The following ERICH1 variants were observed in gnomAD, a reference collection of about 807,000 sequenced individuals.
ERICH1 encodes the protein glutamate-rich protein 1.
In ERICH1, 56 loss-of-function variants were observed where a neutral mutation model predicts 39.6. The ratio of observed to expected loss-of-function variants is 1.41; its 90% confidence interval spans 1.14 to 1.77. ERICH1 has a LOEUF of 1.77. Among genes scored for constraint, ERICH1 ranks in the 40% most tolerant of loss-of-function variants. The pLI is 0.00. For synonymous variants in ERICH1, 313 were observed against 223.6 expected (o/e 1.40, Z -3.57); for missense variants, 826 against 575.4 (o/e 1.44, Z -4.45).
intron 1 of ERICH1, among the ~76,000 whole-genome samples, chr8:721,413 G>A (rs1205376595): frequency 1.3e-5 from 2 of 152,238 alleles, no homozygotes; most frequent in African/African-American, 2.4e-5. Flanking sequence ...AGAGCATGGA[G>A]GTTGGGGCTG....
At chr8:706,601 C>A (rs1191792692) in intron 2 of ERICH1, among the ~76,000 whole-genome samples, 1 of 152,016 alleles carries the variant, frequency 6.6e-6, no homozygotes, top group African/African-American at 2.4e-5. Flanking sequence ...TGGAGAAACC[C>A]CATCTCTACT....
rs200099840 is a variant in ERICH1, at chr8:716,022, G to A, written c.23-15C>T. 20 of 1,575,590 alleles carry A rather than the reference G, an allele frequency of 1.3e-5. No individual in the cohort carries two copies. Among genetic ancestry groups the A allele is most frequent in the Middle Eastern group, 1.7e-4 (1 of 5,870 alleles). On this transcript the variant is annotated splice_polypyrimidine_tract_variant and intron_variant, in intron 1 of 5. Transcript: ENST00000262109. ...CTCCACAAACACTGTACAGACAACC[G>A]ATTAAAAGAAAAGGAGGAAAAGGAA... is the stretch of plus-strand genomic sequence containing the variant.
chr8:683,822 C>T (rs336442), intron 3 of ERICH1, among the ~76,000 whole-genome samples: 1,962 of 152,320 alleles, frequency 0.013, 43 homozygotes, highest in African/African-American at 0.042. Flanking sequence ...CTAAGCTAAA[C>T]GTCTGCCTTC....
At chr8:622,636 A>C (rs1179067578) in intron 3 of ERICH1, among the ~76,000 whole-genome samples, 1 of 152,158 alleles carries the variant, frequency 6.6e-6, no homozygotes, top group African/African-American at 2.4e-5. Flanking sequence ...CAAGCCAGAC[A>C]GCTTCACTAG....
At chr8:655,879 C>G (rs1221324640) in intron 3 of ERICH1, among the ~76,000 whole-genome samples, 1 of 152,080 alleles carries the variant, frequency 6.6e-6, no homozygotes, top group Non-Finnish European at 1.5e-5. Context: ...CTTACTTTTC[C>G]CTCCACACAC....
At chr8:616,629 A>G (rs556520872) in intron 3 of ERICH1, 26 of 454,824 alleles carry the variant, frequency 5.7e-5, no homozygotes, top group Admixed American at 1.6e-4. Flanking sequence ...AGAGGGAGGC[A>G]GAGACAGAGA....
chr8:636,480 G>C (rs1403796736), intron 3 of ERICH1, among the ~76,000 whole-genome samples: 1 of 152,240 alleles, frequency 6.6e-6, no homozygotes, highest in African/African-American at 2.4e-5. Context: ...CCCGACTTTA[G>C]CTCAGAATCG....
chr8:700,820 T>C (rs1811944343), intron 2 of ERICH1, among the ~76,000 whole-genome samples: 1 of 152,232 alleles, frequency 6.6e-6, no homozygotes. Flanking sequence ...TATTCCTTTA[T>C]CAGAGGCTTC....
chr8:713,395 G>A (rs953485850), intron 2 of ERICH1, among the ~76,000 whole-genome samples: 18 of 152,190 alleles, frequency 1.2e-4, no homozygotes, highest in Admixed American at 4.6e-4. Flanking sequence ...CTACTACACT[G>A]GGAGCTTGTA....
intron 3 of ERICH1, among the ~76,000 whole-genome samples, chr8:631,924 G>A (rs913748632): frequency 3.3e-5 from 5 of 152,006 alleles, no homozygotes; most frequent in African/African-American, 1.2e-4. Context: ...CCCATTCTCC[G>A]CTCTGGAACG....
At chr8:648,396 T>C (rs531580086) in intron 3 of ERICH1, among the ~76,000 whole-genome samples, 1 of 61,716 alleles carries the variant, frequency 1.6e-5, no homozygotes, top group African/African-American at 4.1e-5. Context: ...CAGGTCGCAG[T>C]AGGGGAGGTG....
chr8:618,388 T>G (rs939406259), intron 3 of ERICH1, among the ~76,000 whole-genome samples: 1 of 152,056 alleles, frequency 6.6e-6, no homozygotes, highest in East Asian at 1.9e-4. Flanking sequence ...CTCTGAGTGC[T>G]TGGTGCTTGG....
downstream of ERICH1, among the ~76,000 whole-genome samples, chr8:663,909 G>A (rs182212115): frequency 2.2e-3 from 330 of 152,144 alleles, 1 homozygote; most frequent in African/African-American, 5.1e-3. Context: ...ACAGGCGCCC[G>A]CCACCACGCC....
At chr8:717,100 T>C (rs534461448) in intron 1 of ERICH1, among the ~76,000 whole-genome samples, 84 of 152,194 alleles carry the variant, frequency 5.5e-4, no homozygotes, top group Middle Eastern at 3.4e-3. Flanking sequence ...ATGAACAAGG[T>C]GGCTGCTCAC....
intron 2 of ERICH1, among the ~76,000 whole-genome samples, chr8:707,451 A>T (rs567557817): frequency 1.2e-4 from 18 of 152,124 alleles, no homozygotes; most frequent in Admixed American, 1.1e-3. Flanking sequence ...CAAGTGATCC[A>T]TCCACCTCAG....
At chr8:693,116 AAC>A (rs1022958961) in intron 2 of ERICH1, among the ~76,000 whole-genome samples, 3 of 151,900 alleles carry the variant, frequency 2.0e-5, no homozygotes, top group Admixed American at 6.6e-5. Flanking sequence ...ACATCCACAA[AAC>A]ACACAGAGAC....
At chr8:638,432 G>C (rs62486205) in intron 3 of ERICH1, among the ~76,000 whole-genome samples, 2,443 of 152,280 alleles carry the variant, frequency 0.016, 29 homozygotes, top group Middle Eastern at 0.027. Flanking sequence ...AGGTGGGCCG[G>C]TCGTGCCTGA....
chr8:708,800 C>A (rs1452265904), intron 2 of ERICH1, among the ~76,000 whole-genome samples: 2 of 147,950 alleles, frequency 1.4e-5, no homozygotes, highest in Non-Finnish European at 3.0e-5. Context: ...CTCAAGTGAC[C>A]CTCCCACCTC....
At chr8:720,016 C>A (rs1816928259) in intron 1 of ERICH1, among the ~76,000 whole-genome samples, 1 of 152,180 alleles carries the variant, frequency 6.6e-6, no homozygotes, top group Admixed American at 6.5e-5. Context: ...GGAACCAGCC[C>A]CTTCTCCAAG....
Sources: allele counts gnomAD v4.1 joint callset (sites outside exome capture counted in the v4.1 genomes callset), GRCh38; gene constraint gnomAD v4.1.1; transcripts MANE v1.5; gene names NCBI Gene and HGNC (gene_info 2026-07-23, HGNC 2026-07-21).